Variants in RABGEF1 observed in about 807,000 individuals in gnomAD.
The protein encoded by RABGEF1 is rab5 GDP/GTP exchange factor.
Under a neutral mutation model 57.3 loss-of-function variants are expected in RABGEF1, and 26 were observed. The ratio of observed to expected loss-of-function variants is 0.45; its 90% CI spans 0.33 to 0.63. The LOEUF (loss-of-function observed/expected upper bound fraction) is 0.63, where lower values mean the gene tolerates loss of function less well. Among genes scored for constraint, RABGEF1 ranks in the 20% least tolerant of loss-of-function variants. The probability of loss-of-function intolerance (pLI) is 0.02; values close to 1 mark genes in which losing one functional copy is unlikely to be tolerated. For missense variants in RABGEF1, 464 were observed against 607.6 expected (o/e 0.76, Z 2.48); for synonymous variants, 185 against 210.7 (o/e 0.88, Z 1.06).
chr7:66,692,021 C>T (rs1419659759), intron 1 of RABGEF1, among the ~76,000 whole-genome samples: 2 of 152,166 alleles, frequency 1.3e-5, no homozygotes, highest in African/African-American at 2.4e-5. Context: ...GGTGCCACTG[C>T]ACTCCAGCTT....
the RABGEF1 span, chr7:66,668,622 C>A: frequency 1.3e-5 from 2 of 152,304 alleles, no homozygotes; most frequent in African/African-American, 4.8e-5. Flanking sequence ...TGTGGGAGAA[C>A]GTCACTTAGG....
chr7:66,757,949 G>A (rs1333859448), intron 1 of RABGEF1, among the ~76,000 whole-genome samples: 2 of 152,100 alleles, frequency 1.3e-5, no homozygotes, highest in African/African-American at 4.8e-5. Flanking sequence ...TATATATCAG[G>A]TTTTGTAAAT....
chr7:66,807,412 C>G (rs1293555693), intron 8 of RABGEF1, among the ~76,000 whole-genome samples: 1 of 152,206 alleles, frequency 6.6e-6, no homozygotes, highest in African/African-American at 2.4e-5. Flanking sequence ...CACAATTCCA[C>G]TACTTCCTTG....
At chr7:66,775,615 C>A (rs191054343) in intron 3 of RABGEF1, among the ~76,000 whole-genome samples, 2 of 152,168 alleles carry the variant, frequency 1.3e-5, no homozygotes, top group East Asian at 1.9e-4. Flanking sequence ...TAGGAGGAAT[C>A]AAGAGAATTG....
At chr7:66,737,032 A>ATT (rs1798031305), upstream of RABGEF1, among the ~76,000 whole-genome samples, 5 of 148,452 alleles carry the variant, frequency 3.4e-5, no homozygotes, top group South Asian at 1.1e-3. Flanking sequence ...TATTATCATC[A>ATT]TTATATATAT....
chr7:66,711,711 C>G (rs1261652583), intron 1 of RABGEF1, among the ~76,000 whole-genome samples: 1 of 152,002 alleles, frequency 6.6e-6, no homozygotes, highest in Non-Finnish European at 1.5e-5. Flanking sequence ...CTCAGCCTCC[C>G]GAGTAGCTGG....
At chr7:66,723,129 C>T (rs1288829850) in intron 2 of RABGEF1, among the ~76,000 whole-genome samples, 1 of 151,954 alleles carries the variant, frequency 6.6e-6, no homozygotes, top group African/African-American at 2.4e-5. Flanking sequence ...CTGCCACGCC[C>T]GGCTAGTTTT....
At chr7:66,758,522 C>T (rs537333294) in intron 1 of RABGEF1, among the ~76,000 whole-genome samples, 164 of 152,338 alleles carry the variant, frequency 1.1e-3, no homozygotes, top group African/African-American at 3.6e-3. Flanking sequence ...TGTGGCCCCT[C>T]GGAGCTCCCT....
At chr7:66,806,954 T>G (rs1788574243) in intron 8 of RABGEF1, among the ~76,000 whole-genome samples, 1 of 152,114 alleles carries the variant, frequency 6.6e-6, no homozygotes, top group Non-Finnish European at 1.5e-5. Flanking sequence ...TCATATTTCT[T>G]AATATAAATG....
the RABGEF1 span, among the ~76,000 whole-genome samples, chr7:66,662,604 C>T: frequency 6.6e-6 from 1 of 152,182 alleles, no homozygotes; most frequent in Admixed American, 6.5e-5. Flanking sequence ...CCTGACCCCA[C>T]AAATCAACTG....
chr7:66,725,249 A>G (rs147958080), intron 2 of RABGEF1, among the ~76,000 whole-genome samples: 6 of 152,318 alleles, frequency 3.9e-5, no homozygotes, highest in Non-Finnish European at 8.8e-5. Flanking sequence ...GTACACTTTA[A>G]TGACCTTTAG....
At chr7:66,726,491 G>A (rs1404310504) in intron 2 of RABGEF1, among the ~76,000 whole-genome samples, 1 of 152,026 alleles carries the variant, frequency 6.6e-6, no homozygotes, top group African/African-American at 2.4e-5. Context: ...CAGCCTCCAA[G>A]TAGCTGAGAC....
intron 2 of RABGEF1, chr7:66,773,843 T>C (rs1224919068): frequency 2.4e-6 from 1 of 419,310 alleles, no homozygotes; most frequent in African/African-American, 2.0e-5. Flanking sequence ...GTTTTGTATT[T>C]TATGTAGAGA....
chr7:66,743,257 C>T lies in RABGEF1; in HGVS notation c.-18+2465C>T, dbSNP rs572217582. 4.0e-4 allele frequency among the ~76,000 whole-genome samples: 61 copies of T among 151,278 alleles called. No homozygotes were observed. The East Asian group carries it at 9.4e-3, about 23-fold the overall frequency. On this transcript the variant is annotated intron_variant, in intron 1 of 8. Transcript: ENST00000284957. ...AGCAATTCTAGGAGGTTGTGGTGAG[C>T]CAAGATTGTACCAATGCACTCCAGC... is the stretch of plus-strand genomic sequence containing the variant.
At chr7:66,754,666 G>T (rs1277819838) in intron 1 of RABGEF1, among the ~76,000 whole-genome samples, 1 of 152,124 alleles carries the variant, frequency 6.6e-6, no homozygotes, top group Non-Finnish European at 1.5e-5. Context: ...AGATACAAAA[G>T]ACTTCTTAAA....
At position 66,683,683 on chromosome 7, in the gene RABGEF1, A is replaced by G. The variant is rs112354586; in HGVS notation, c.-873+1425A>G. Among the ~76,000 whole-genome samples, 415 of 152,022 alleles carry G rather than the reference A, an allele frequency of 2.7e-3. 1 individual carries two copies. Among genetic ancestry groups the G allele is most frequent in the African/African-American group, 9.6e-3 (399 of 41,432 alleles). ...AGACTAACAGGGTGGAGTGAGGGAG[A>G]GGGGGGAACCAAAGGAGGGGAGGCC... On this transcript the variant is annotated intron_variant and NMD_transcript_variant, in intron 1 of 9. Coordinates refer to the RABGEF1 transcript ENST00000607882.
In RABGEF1 at chr7:66,783,819, T is replaced by C. The variant is rs754743240; in HGVS notation, c.491T>C (p.Leu164Ser). The C allele has an allele frequency of 6.2e-7, 1 of 1,612,996 alleles. No homozygotes were observed. The highest frequency in any genetic ancestry group is 8.5e-7 in the Non-Finnish European group (1 of 1,179,374). The change falls in exon 4 of 9, where the codon TTG (leucine) becomes TCG (serine). Residue 164 changes from leucine (L) to serine (S), a missense_variant. By Grantham distance (145) the Leu-to-Ser change is moderately radical. Transcript: ENST00000284957. ...QEIYKQTKLF[L>S]EGMHYKRDLS... ...ATCTATAAACAGACCAAGCTGTTTT[T>C]GGAAGGAATGCATTACAAAAGGGTA...
At chr7:66,672,161 G>A in the RABGEF1 span, among the ~76,000 whole-genome samples, 2 of 151,210 alleles carry the variant, frequency 1.3e-5, no homozygotes, top group South Asian at 2.1e-4. Context: ...GGTGGCTCAC[G>A]CCTGTAATCC....
chr7:66,767,606 G>T (rs1806064635), intron 1 of RABGEF1, among the ~76,000 whole-genome samples: 1 of 152,136 alleles, frequency 6.6e-6, no homozygotes, highest in Admixed American at 6.5e-5. Flanking sequence ...CTACTAGGAG[G>T]TGGAGCCTTT....
Sources: allele counts gnomAD v4.1 joint callset (sites outside exome capture counted in the v4.1 genomes callset), GRCh38; gene constraint gnomAD v4.1.1; transcripts MANE v1.5; gene names NCBI Gene and HGNC (gene_info 2026-07-23, HGNC 2026-07-21).